GNAO1: variants seen among roughly 807,000 people sequenced by gnomAD.
GNAO1 encodes the protein G protein subunit alpha o1, also known as guanine nucleotide-binding protein G(o) subunit alpha.
For missense variants in GNAO1, 166 were observed against 478.7 expected, an observed-to-expected ratio of 0.35 and a Z score of 6.10; for synonymous variants, 164 against 180.7, an observed-to-expected ratio of 0.91 and a Z score of 0.74.
chr16:56,353,942 C>T (rs2037946762), intron 7 of GNAO1, among the ~76,000 whole-genome samples: 1 of 152,238 alleles, frequency 6.6e-6, no homozygotes, highest in Non-Finnish European at 1.5e-5. Flanking sequence ...CAGTTGGCAT[C>T]ATACATGCTG....
At chr16:56,320,509 T>A (rs575967864) in intron 3 of GNAO1, among the ~76,000 whole-genome samples, 2 of 152,314 alleles carry the variant, frequency 1.3e-5, no homozygotes, top group South Asian at 4.1e-4. Flanking sequence ...CAGGTCTGGG[T>A]AGCTCCTGAA....
rs145396308 is a variant in GNAO1 at position 56,288,853 on chromosome 16, A to G, written c.303+12781A>G. On this transcript the variant is annotated intron_variant, in intron 3 of 8. Transcript: ENST00000262493. The stretch of plus-strand genomic sequence containing the variant: ...CTGCCTCGGCTGGCAGGGTGACCTC[A>G]GGCCCATCCCTTACCCTACAGGGTC... Among the ~76,000 whole-genome samples the G allele has an allele frequency of 2.5e-3, 377 of 152,178 alleles. 3 individuals are homozygous for G. The East Asian group carries it at 0.028, about 11-fold the overall frequency.
intron 2 of GNAO1, among the ~76,000 whole-genome samples, chr16:56,253,762 A>G (rs1320067859): frequency 6.6e-6 from 1 of 152,200 alleles, no homozygotes; most frequent in Non-Finnish European, 1.5e-5. Context: ...ACATGGAAGC[A>G]GAGTGGGGGA....
At chr16:56,281,733 G>A (rs1264402284) in intron 3 of GNAO1, among the ~76,000 whole-genome samples, 1 of 152,084 alleles carries the variant, frequency 6.6e-6, no homozygotes, top group Admixed American at 6.6e-5. Context: ...CATCACAAAA[G>A]CAGAGGGCCT....
chr16:56,316,679 G>A (rs1363871465), intron 3 of GNAO1, among the ~76,000 whole-genome samples: 4 of 152,102 alleles, frequency 2.6e-5, no homozygotes, highest in African/African-American at 4.8e-5. Flanking sequence ...GCCTCCCTGG[G>A]GTGGCCTCCC....
chr16:56,303,967 G>A (rs2037368337), intron 3 of GNAO1, among the ~76,000 whole-genome samples: 1 of 152,190 alleles, frequency 6.6e-6, no homozygotes, highest in Non-Finnish European at 1.5e-5. Flanking sequence ...TGCACCCCGA[G>A]CTTTCTAACC....
chr16:56,320,563 A>G (rs1237167244), intron 3 of GNAO1, among the ~76,000 whole-genome samples: 3 of 152,208 alleles, frequency 2.0e-5, no homozygotes, highest in Non-Finnish European at 4.4e-5. Context: ...AGCAGCACTA[A>G]AAGTCCAAGG....
At chr16:56,319,617 G>C (rs1413779875) in intron 3 of GNAO1, among the ~76,000 whole-genome samples, 4 of 152,142 alleles carry the variant, frequency 2.6e-5, no homozygotes, top group African/African-American at 9.7e-5. Context: ...CAGCACACTC[G>C]TGACCAGCCG....
chr16:56,349,916 G>A (rs2037905665), intron 6 of GNAO1, among the ~76,000 whole-genome samples: 1 of 152,176 alleles, frequency 6.6e-6, no homozygotes, highest in South Asian at 2.1e-4. Flanking sequence ...TCGATTCCTC[G>A]AAAGCCCCAC....
chr16:56,213,483 A>C (rs1186669938), intron 2 of GNAO1: 3 of 395,266 alleles, frequency 7.6e-6, no homozygotes, highest in Non-Finnish European at 1.3e-5. Flanking sequence ...AGCGGGAGGG[A>C]ATGTTAGTTT....
chr16:56,351,260 C>T lies in GNAO1; in HGVS notation c.724-124C>T, dbSNP rs2037918374. On this transcript the variant is annotated intron_variant, in intron 6 of 8. Coordinates refer to ENST00000262493, the MANE Select transcript of GNAO1 (RefSeq NM_020988.3). The surrounding 1 kb of genome is among the most constrained non-coding windows in gnomAD (Gnocchi z 6.1). ...ACTGACTCAGGTTCCATCTGGCAGC[C>T]TCTCGGAGGAGCTGCCGAGTAGCCC... 3.1e-6 allele frequency: 2 copies of T among 644,064 alleles called. No individual in the cohort carries two copies. The highest frequency in any genetic ancestry group is 2.7e-5 in the Admixed American group (1 of 37,706). The allele number at this position is 644,064 out of a possible 1,614,324, so 39.9% of individuals were successfully genotyped here.
intron 2 of GNAO1, among the ~76,000 whole-genome samples, chr16:56,250,730 C>G (rs185389352): frequency 1.3e-5 from 2 of 152,142 alleles, no homozygotes; most frequent in African/African-American, 4.8e-5. Flanking sequence ...CTCTGCTTTC[C>G]TCCATGTTAA....
chr16:56,333,210 C>CTT (rs71149663), intron 4 of GNAO1, among the ~76,000 whole-genome samples: 31 of 140,832 alleles, frequency 2.2e-4, no homozygotes, highest in South Asian at 2.3e-4. Context: ...TTCTTTTTTT[C>CTT]TTTTTTTTTT....
rs139134124 is a variant in GNAO1, at chr16:56,245,852, T to C, written c.162-30079T>C. Among the ~76,000 whole-genome samples, 792 of 152,212 alleles carry C rather than the reference T, an allele frequency of 5.2e-3. 5 individuals carry two copies. Among genetic ancestry groups the C allele is most frequent in the African/African-American group, 0.019 (774 of 41,506 alleles). ...GTCTGGAGGGTAGACTTATAAAAATTGTGAAAAGTGTTGGGAAAGGAAAAT... is the reference window on the plus strand; with the variant it reads ...GTCTGGAGGGTAGACTTATAAAAATCGTGAAAAGTGTTGGGAAAGGAAAAT... On this transcript the variant is annotated intron_variant, in intron 2 of 8. Transcript: ENST00000262493.
chr16:56,230,408 T>C (rs1353198200), intron 2 of GNAO1, among the ~76,000 whole-genome samples: 2 of 152,220 alleles, frequency 1.3e-5, no homozygotes, highest in Non-Finnish European at 2.9e-5. Context: ...TGAATGGGCC[T>C]TCAGCAAACA....
At chr16:56,214,453 T>C (rs769568456) in intron 2 of GNAO1, among the ~76,000 whole-genome samples, 25 of 152,182 alleles carry the variant, frequency 1.6e-4, no homozygotes, top group Non-Finnish European at 7.3e-5. Context: ...AGTTTAGTGG[T>C]ATACAAATAC....
intron 2 of GNAO1, among the ~76,000 whole-genome samples, chr16:56,249,770 G>A (rs1279474983): frequency 6.6e-6 from 1 of 152,170 alleles, no homozygotes; most frequent in African/African-American, 2.4e-5. Context: ...GCAGCTCCAG[G>A]CATTATGGTT....
At chr16:56,334,960 A>G (rs927271790) in intron 5 of GNAO1, 103 bp downstream of exon 5, 6 of 1,301,310 alleles carry the variant, frequency 4.6e-6, no homozygotes, top group Admixed American at 2.0e-5. Context: ...ATCCTGCCCC[A>G]GGGAACCTGC....
intron 4 of GNAO1, 126 bp from the exon 5 acceptor site, chr16:56,334,603 A>T: frequency 1.0e-6 from 1 of 969,690 alleles, no homozygotes; most frequent in Non-Finnish European, 1.6e-6. Flanking sequence ...AATGGAGGTG[A>T]TGTCTTTTCC....
Sources: allele counts gnomAD v4.1 joint callset (sites outside exome capture counted in the v4.1 genomes callset), GRCh38; gene constraint gnomAD v4.1.1; non-coding constraint Gnocchi (gnomAD v3.1); transcripts MANE v1.5; gene names NCBI Gene and HGNC (gene_info 2026-07-23, HGNC 2026-07-21).